The following LINGO2 variants were observed in gnomAD, a reference collection of about 807,000 sequenced individuals.
The protein encoded by LINGO2 is leucine-rich repeat and immunoglobulin-like domain-containing nogo receptor-interacting protein 2.
LINGO2 carries 14 observed loss-of-function variants against 30.6 expected under a neutral mutation model. The ratio of observed to expected loss-of-function variants is 0.46; its 90% confidence interval spans 0.30 to 0.72. The LOEUF (loss-of-function observed/expected upper bound fraction) is 0.72. Ranked by LOEUF, LINGO2 falls within the 30% of genes least tolerant of loss-of-function variation. LINGO2 has a pLI of 0.07. For synonymous variants in LINGO2, 317 were observed against 288.5 expected, an observed-to-expected ratio of 1.10 and a Z score of -1.00; for missense variants, 729 against 751.7, an observed-to-expected ratio of 0.97 and a Z score of 0.35.
the LINGO2 span, among the ~76,000 whole-genome samples, chr9:29,063,952 C>G: frequency 6.6e-6 from 1 of 152,124 alleles, no homozygotes; most frequent in Non-Finnish European, 1.5e-5. Flanking sequence ...GATTGGCTCA[C>G]ATAAGGTTCT....
At chr9:28,342,952 G>A (rs1819410937) in intron 3 of LINGO2, among the ~76,000 whole-genome samples, 1 of 152,148 alleles carries the variant, frequency 6.6e-6, no homozygotes, top group Non-Finnish European at 1.5e-5. Context: ...GCTTTATCAT[G>A]AGACATTCAC....
At chr9:28,027,318 G>C (rs1023319172) in intron 4 of LINGO2, among the ~76,000 whole-genome samples, 1 of 152,210 alleles carries the variant, frequency 6.6e-6, no homozygotes, top group East Asian at 1.9e-4. Flanking sequence ...CGCAAGTGGT[G>C]GTTCAAGCAT....
the LINGO2 span, among the ~76,000 whole-genome samples, chr9:28,785,404 A>T: frequency 2.0e-5 from 3 of 152,196 alleles, no homozygotes; most frequent in African/African-American, 7.2e-5. Context: ...CTCATTTCAG[A>T]GTAGCCACCC....
chr9:28,047,564 T>TA (rs1221676795), intron 4 of LINGO2, among the ~76,000 whole-genome samples: 4 of 150,898 alleles, frequency 2.7e-5, no homozygotes, highest in African/African-American at 4.9e-5. Flanking sequence ...ATAGCTCTAC[T>TA]ATTTAACAAC....
the LINGO2 span, among the ~76,000 whole-genome samples, chr9:29,168,388 G>A: frequency 4.1e-3 from 618 of 152,186 alleles, 4 homozygotes; most frequent in African/African-American, 0.014. Context: ...AAGTAGCAAC[G>A]CCCTGGCCAG....
the LINGO2 span, among the ~76,000 whole-genome samples, chr9:28,956,663 C>T: frequency 9.9e-6 from 1 of 101,402 alleles, no homozygotes; most frequent in African/African-American, 3.9e-5. Flanking sequence ...TCCCTCCCTC[C>T]CTCCTCCCTC....
At chr9:28,098,337 A>AAG (rs1554672840) in intron 4 of LINGO2, among the ~76,000 whole-genome samples, 3 of 152,034 alleles carry the variant, frequency 2.0e-5, no homozygotes, top group African/African-American at 7.2e-5. Flanking sequence ...AGCAAAAAAA[A>AAG]ACTCTATACC....
chr9:28,836,046 G>C, the LINGO2 span, among the ~76,000 whole-genome samples: 1 of 152,166 alleles, frequency 6.6e-6, no homozygotes, highest in Admixed American at 6.5e-5. Flanking sequence ...AAATGAACAG[G>C]TATGCTGGAT....
the LINGO2 span, among the ~76,000 whole-genome samples, chr9:29,049,380 A>G: frequency 1.1e-3 from 170 of 152,294 alleles, no homozygotes; most frequent in Non-Finnish European, 1.7e-3. Context: ...GTACATCAGT[A>G]TAACAGTTTG....
At chr9:28,865,749 G>A in the LINGO2 span, among the ~76,000 whole-genome samples, 4 of 151,970 alleles carry the variant, frequency 2.6e-5, no homozygotes, top group African/African-American at 7.3e-5. Flanking sequence ...GTGCCACTGC[G>A]CTCCAGCCTG....
chr9:28,306,505 C>T (rs987407909), intron 3 of LINGO2, among the ~76,000 whole-genome samples: 1 of 151,988 alleles, frequency 6.6e-6, no homozygotes, highest in African/African-American at 2.4e-5. Flanking sequence ...ACCCTAACAT[C>T]ACAATTAAAA....
chr9:28,781,696 G>A, the LINGO2 span, among the ~76,000 whole-genome samples: 2 of 152,032 alleles, frequency 1.3e-5, no homozygotes, highest in Non-Finnish European at 2.9e-5. Flanking sequence ...AAGAAACAAA[G>A]AAGTAAGAGA....
intron 1 of LINGO2, among the ~76,000 whole-genome samples, chr9:28,540,133 C>A (rs185026860): frequency 8.6e-4 from 131 of 152,194 alleles, no homozygotes; most frequent in South Asian, 2.5e-3. Flanking sequence ...ACACAGGACT[C>A]GGACTCTAAC....
At chr9:29,108,348 C>A in the LINGO2 span, among the ~76,000 whole-genome samples, 1 of 152,060 alleles carries the variant, frequency 6.6e-6, no homozygotes, top group Admixed American at 6.6e-5. Context: ...TAAAAGTAAG[C>A]ATGTTCCAAG....
intron 2 of LINGO2, among the ~76,000 whole-genome samples, chr9:28,386,338 C>A (rs540002034): frequency 1.3e-5 from 2 of 152,148 alleles, no homozygotes; most frequent in African/African-American, 4.8e-5. Context: ...AAAAGAGAGA[C>A]CCCTGTCTTT....
rs557201683 is a variant in LINGO2 at position 28,604,956 on chromosome 9, T to C, written c.-365+65244A>G. On this transcript the variant is annotated intron_variant, in intron 1 of 5. Coordinates refer to ENST00000379992, the Ensembl canonical transcript of LINGO2. The stretch of plus-strand genomic sequence containing the variant: ...GCACTATTTTTATTTGCATTTTATA[T>C]ACCAGAGAATTGATACATGGATATG... Among the ~76,000 whole-genome samples, 13 of 152,128 alleles carry C rather than the reference T, an allele frequency of 8.5e-5. No homozygotes were observed. In the South Asian group the frequency reaches 2.7e-3, roughly 32 times the overall value.
intron 5 of LINGO2, among the ~76,000 whole-genome samples, chr9:28,005,668 A>T (rs10738787): frequency 0.72 from 109,280 of 152,022 alleles, 39,906 homozygotes; most frequent in East Asian, 0.82. Flanking sequence ...TGGTGATTTC[A>T]GTCTGAGATT....
intron 2 of LINGO2, among the ~76,000 whole-genome samples, chr9:28,428,984 T>C (rs1823533990): frequency 6.6e-6 from 1 of 152,318 alleles, no homozygotes; most frequent in South Asian, 2.1e-4. Flanking sequence ...TTCTTTATCT[T>C]GACTTAAGAA....
At chr9:28,214,180 C>G (rs947055890) in intron 4 of LINGO2, among the ~76,000 whole-genome samples, 1 of 151,532 alleles carries the variant, frequency 6.6e-6, no homozygotes, top group South Asian at 2.1e-4. Flanking sequence ...CATAGTAAAT[C>G]TAAACTTTGC....
Sources: allele counts gnomAD v4.1 joint callset (sites outside exome capture counted in the v4.1 genomes callset), GRCh38; gene constraint gnomAD v4.1.1; transcripts MANE v1.5; gene names NCBI Gene and HGNC (gene_info 2026-07-23, HGNC 2026-07-21).